Variants in SOX5 observed in about 807,000 individuals in gnomAD.
The protein encoded by SOX5 is transcription factor SOX-5.
Under a neutral mutation model 92.0 loss-of-function variants are expected in SOX5, and 9 were observed. That is an observed-to-expected ratio of 0.10 (90% CI 0.06 to 0.17). SOX5 has a LOEUF of 0.17. Among genes scored for constraint, SOX5 ranks in the 10% least tolerant of loss-of-function variants. The pLI is 1.00. For synonymous variants in SOX5, 344 were observed against 336.3 expected (o/e 1.02, Z -0.25); for missense variants, 642 against 944.5 (o/e 0.68, Z 4.20).
intron 2 of SOX5, among the ~76,000 whole-genome samples, chr12:24,293,829 T>C (rs1401638242): frequency 1.3e-5 from 2 of 152,232 alleles, no homozygotes; most frequent in Admixed American, 6.5e-5. Context: ...AAAGGGCTGT[T>C]TATGTTAAGT....
intron 7 of SOX5, among the ~76,000 whole-genome samples, chr12:23,653,629 C>G (rs2081959597): frequency 6.6e-6 from 1 of 152,056 alleles, no homozygotes; most frequent in East Asian, 1.9e-4. Context: ...CCAGCAAATT[C>G]TGGGCCTGAT....
At chr12:23,896,322 T>C (rs1177830450) in intron 1 of SOX5, among the ~76,000 whole-genome samples, 1 of 152,188 alleles carries the variant, frequency 6.6e-6, no homozygotes, top group Non-Finnish European at 1.5e-5. Context: ...CATTCCATTT[T>C]AGAGGGAAGA....
At chr12:24,275,477 A>T (rs1944330736) in intron 3 of SOX5, among the ~76,000 whole-genome samples, 1 of 152,076 alleles carries the variant, frequency 6.6e-6, no homozygotes, top group Non-Finnish European at 1.5e-5. Flanking sequence ...TTAGAAAAGA[A>T]TTTTAAATAC....
At chr12:24,515,225 T>C (rs141653007) in intron 1 of SOX5, among the ~76,000 whole-genome samples, 7 of 152,276 alleles carry the variant, frequency 4.6e-5, no homozygotes, top group African/African-American at 1.4e-4. Context: ...CTGGCATGTG[T>C]TGTTATTTGT....
chr12:24,367,141 A>G (rs1293516633), intron 2 of SOX5, among the ~76,000 whole-genome samples: 1 of 152,162 alleles, frequency 6.6e-6, no homozygotes, highest in Non-Finnish European at 1.5e-5. Context: ...CTTAGCTGAC[A>G]TAATTATGGG....
At chr12:24,317,261 G>C (rs1386619626) in intron 2 of SOX5, among the ~76,000 whole-genome samples, 1 of 152,182 alleles carries the variant, frequency 6.6e-6, no homozygotes, top group Non-Finnish European at 1.5e-5. Flanking sequence ...TGGATGAAAA[G>C]ATTCAGTTAT....
At chr12:24,260,808 G>GA (rs1163983978) in intron 3 of SOX5, among the ~76,000 whole-genome samples, 1 of 152,030 alleles carries the variant, frequency 6.6e-6, no homozygotes, top group Admixed American at 6.6e-5. Context: ...TTAGTCATTG[G>GA]AAAAAAATGA....
In SOX5 at chr12:23,724,653, C is replaced by A. The variant is rs560401092; in HGVS notation, c.810+10031G>T. Among the ~76,000 whole-genome samples the A allele has an allele frequency of 8.5e-5, 13 of 152,176 alleles. No individual in the cohort carries two copies. In the South Asian group the frequency reaches 1.2e-3, roughly 15 times the overall value. ...TGATAGGGTTACAAATCCTAGATAT[C>A]CCTAGAAAGTTTTGGGATTATTTTG... is the stretch of plus-strand genomic sequence containing the variant. On this transcript the variant is annotated intron_variant, in intron 6 of 14. Coordinates refer to ENST00000451604, the MANE Select transcript of SOX5 (RefSeq NM_006940.6).
intron 4 of SOX5, among the ~76,000 whole-genome samples, chr12:24,090,919 T>C (rs181938485): frequency 1.3e-5 from 2 of 152,342 alleles, no homozygotes; most frequent in Admixed American, 1.3e-4. Flanking sequence ...TTTTTGTGTT[T>C]TCAGCCTTCA....
intron 1 of SOX5, among the ~76,000 whole-genome samples, chr12:24,373,601 T>G (rs1402648103): frequency 6.6e-6 from 1 of 152,214 alleles, no homozygotes; most frequent in African/African-American, 2.4e-5. Context: ...TATATTACAT[T>G]TATAAAGTAG....
At chr12:24,110,559 C>T (rs1947199747) in intron 4 of SOX5, among the ~76,000 whole-genome samples, 1 of 152,006 alleles carries the variant, frequency 6.6e-6, no homozygotes, top group Admixed American at 6.6e-5. Flanking sequence ...TTAGAAGTGC[C>T]TCATTGATGA....
chr12:23,908,573 G>A (rs544672367), intron 1 of SOX5, among the ~76,000 whole-genome samples: 323 of 151,624 alleles, frequency 2.1e-3, no homozygotes, highest in Non-Finnish European at 3.9e-3. Flanking sequence ...AGCAAGGAAC[G>A]TATATACAGT....
chr12:24,204,892 A>T (rs1231669051), intron 4 of SOX5, among the ~76,000 whole-genome samples: 1 of 152,138 alleles, frequency 6.6e-6, no homozygotes, highest in Non-Finnish European at 1.5e-5. Flanking sequence ...CTGCCTATAG[A>T]TATCATCTAA....
At chr12:24,462,547 C>T (rs758528203) in intron 1 of SOX5, among the ~76,000 whole-genome samples, 1 of 152,064 alleles carries the variant, frequency 6.6e-6, no homozygotes, top group Non-Finnish European at 1.5e-5. Flanking sequence ...ATATAGTAAG[C>T]CTAGGCTAAT....
intron 2 of SOX5, among the ~76,000 whole-genome samples, chr12:24,352,391 T>A (rs868481765): frequency 2.6e-5 from 4 of 152,080 alleles, no homozygotes; most frequent in Non-Finnish European, 5.9e-5. Flanking sequence ...AAAAGTTGAA[T>A]AACATATGGG....
intron 3 of SOX5, among the ~76,000 whole-genome samples, chr12:23,787,036 T>G (rs1425218036): frequency 7.0e-6 from 1 of 142,666 alleles, no homozygotes. Flanking sequence ...TTTTCTTCCA[T>G]AAGCACTCTG....
At chr12:24,236,976 T>C (rs1258151019) in intron 3 of SOX5, among the ~76,000 whole-genome samples, 1 of 151,956 alleles carries the variant, frequency 6.6e-6, no homozygotes, top group Non-Finnish European at 1.5e-5. Context: ...AGGGCATCAG[T>C]TGGGAAAAGA....
At chr12:24,280,047 T>C (rs951910033) in intron 2 of SOX5, among the ~76,000 whole-genome samples, 2 of 152,114 alleles carry the variant, frequency 1.3e-5, no homozygotes, top group Non-Finnish European at 2.9e-5. Flanking sequence ...CACTAGGGAC[T>C]GTGAATCTAA....
intron 1 of SOX5, among the ~76,000 whole-genome samples, chr12:23,926,466 A>ACTAAAGTTC (rs1939965795): frequency 1.3e-5 from 2 of 152,110 alleles, no homozygotes; most frequent in Non-Finnish European, 2.9e-5. Context: ...ATTTTTAATC[A>ACTAAAGTTC]ATGTTCCTGT....
Sources: allele counts gnomAD v4.1 joint callset (sites outside exome capture counted in the v4.1 genomes callset), GRCh38; gene constraint gnomAD v4.1.1; transcripts MANE v1.5; gene names NCBI Gene and HGNC (gene_info 2026-07-23, HGNC 2026-07-21).